The following TAF6L variants were observed in gnomAD, a reference collection of about 807,000 sequenced individuals.
TAF6L encodes the protein TAF6-like RNA polymerase II p300/CBP-associated factor-associated factor 65 kDa subunit 6L.
Under a neutral mutation model 57.3 loss-of-function variants are expected in TAF6L, and 34 were observed. That is an observed-to-expected ratio of 0.59 (90% CI 0.45 to 0.79). The LOEUF (loss-of-function observed/expected upper bound fraction) is 0.79, where lower values mean the gene tolerates loss of function less well. Among genes scored for constraint, TAF6L ranks in the 30% least tolerant of loss-of-function variants. TAF6L has a pLI of 0.00. For missense variants in TAF6L, 782 were observed against 853.2 expected, an observed-to-expected ratio of 0.92 and a Z score of 1.04; for synonymous variants, 417 against 376.3, an observed-to-expected ratio of 1.11 and a Z score of -1.25.
intron 9 of TAF6L, among the ~76,000 whole-genome samples, chr11:62,783,705 G>A (rs1012009300): frequency 4.0e-5 from 6 of 151,448 alleles, no homozygotes; most frequent in Non-Finnish European, 7.4e-5. Context: ...CACCTAACTT[G>A]TATTTTTAGT....
At position 62,776,479 on chromosome 11, in the gene TAF6L, G is replaced by A. The variant is rs2084189182; in HGVS notation, c.234+9G>A. On this transcript the variant is annotated intron_variant, in intron 3 of 10. Coordinates refer to ENST00000294168, the MANE Select transcript of TAF6L (RefSeq NM_006473.4). ...GATGGAGCAGCGTGGAGGTGAGTGG[G>A]GTGCAGGCTACAGAGGGCTCAGGTG... 4 of 1,613,120 alleles carry A rather than the reference G, an allele frequency of 2.5e-6. No homozygotes were observed. In the East Asian group the frequency reaches 6.7e-5, roughly 27 times the overall value.
chr11:62,776,868 G>C, intron 3 of TAF6L, among the ~76,000 whole-genome samples: 1 of 149,332 alleles, frequency 6.7e-6, no homozygotes, highest in East Asian at 2.0e-4. Context: ...AAAAAAAAAG[G>C]CCGGGCACAG....
rs1160663048 is a variant in TAF6L, at chr11:62,775,830, C to T, written c.47C>T (p.Ser16Phe). The stretch of plus-strand genomic sequence containing the variant: ...CGGTTTGTGGAGATCCCTCGGGAGT[C>T]TGTCCGGCTCATGGCGGAGAGCACG... ...ERRFVEIPRE[S>F]VRLMAESTGL... is the part of the protein sequence containing the mutation. Residue 16 changes from serine (S) to phenylalanine (F), a missense_variant, in exon 2 of 11, where the codon TCT becomes TTT. By Grantham distance (155) the Ser-to-Phe change is radical. Transcript: ENST00000294168. 3 of 1,613,078 alleles carry T rather than the reference C, an allele frequency of 1.9e-6. No individual in the cohort carries two copies. Among genetic ancestry groups the T allele is most frequent in the Non-Finnish European group, 1.7e-6 (2 of 1,179,984 alleles).
At chr11:62,779,976 A>ATATATATATTTTTTTTTTTTT (rs1294367864) in intron 6 of TAF6L, among the ~76,000 whole-genome samples, 1 of 52,632 alleles carries the variant, frequency 1.9e-5, no homozygotes, top group African/African-American at 7.7e-5. Flanking sequence ...ATATATATAT[A>ATATATATATTTTTTTTTTTTT]TTTTTTTTTT....
chr11:62,774,577 T>A (rs948724486), intron 1 of TAF6L: 8 of 454,540 alleles, frequency 1.8e-5, no homozygotes, highest in African/African-American at 1.6e-4. Context: ...TGCATCACTT[T>A]GGCGCACGGG....
At chr11:62,781,797 A>G in intron 6 of TAF6L, 97 bp from the exon 7 acceptor site, 1 of 1,043,126 alleles carries the variant, frequency 9.6e-7, no homozygotes, top group Non-Finnish European at 1.5e-6. Flanking sequence ...AAATTGTAAA[A>G]CATGAATAAG....
At chr11:62,783,803 G>T (rs1186482940) in intron 9 of TAF6L, among the ~76,000 whole-genome samples, 1 of 151,700 alleles carries the variant, frequency 6.6e-6, no homozygotes, top group Non-Finnish European at 1.5e-5. Context: ...ATAGTGCTGG[G>T]ATTATAGGCA....
At chr11:62,781,068 T>C (rs1213907990) in intron 6 of TAF6L, among the ~76,000 whole-genome samples, 1 of 151,454 alleles carries the variant, frequency 6.6e-6, no homozygotes, top group Admixed American at 6.6e-5. Flanking sequence ...AAACCCTGTC[T>C]CTACTAAAAA....
intron 6 of TAF6L, 125 bp from the exon 7 acceptor site, chr11:62,781,769 C>A: frequency 1.2e-6 from 1 of 831,420 alleles, no homozygotes; most frequent in Non-Finnish European, 2.0e-6. Context: ...ATTGCTAGAT[C>A]AAAGAATATG....
Position 62,777,916 on chromosome 11 carries a change from T to C in TAF6L, c.235-62T>C. The C allele has an allele frequency of 2.5e-6, 4 of 1,583,754 alleles. No individual in the cohort carries two copies. The South Asian group carries it at 3.5e-5, about 14-fold the overall frequency. ...TGCTCTGGTCAGTGGAGCCTCATCC[T>C]GGATCCTGACGCCTGCTCCCTCCCT... On this transcript the variant is annotated intron_variant, in intron 3 of 10. Coordinates refer to ENST00000294168, the MANE Select transcript of TAF6L (RefSeq NM_006473.4).
At chr11:62,777,767 C>G (rs2084197693) in intron 3 of TAF6L, among the ~76,000 whole-genome samples, 1 of 152,160 alleles carries the variant, frequency 6.6e-6, no homozygotes, top group South Asian at 2.1e-4. Flanking sequence ...GAGGAGCGAC[C>G]ATGTTCTTTC....
intron 9 of TAF6L, among the ~76,000 whole-genome samples, chr11:62,783,365 C>T (rs1034639652): frequency 6.6e-6 from 1 of 151,904 alleles, no homozygotes; most frequent in Admixed American, 6.6e-5. Context: ...GCCTGTAGTC[C>T]CAGCTACTCG....
intron 9 of TAF6L, among the ~76,000 whole-genome samples, chr11:62,785,382 G>A (rs1023026602): frequency 1.3e-5 from 2 of 150,638 alleles, no homozygotes; most frequent in Non-Finnish European, 3.0e-5. Flanking sequence ...TAGTAGAGAC[G>A]GGGTTTCACT....
intron 6 of TAF6L, among the ~76,000 whole-genome samples, chr11:62,780,083 C>T (rs1306507974): frequency 6.7e-6 from 1 of 148,342 alleles, no homozygotes; most frequent in African/African-American, 2.5e-5. Flanking sequence ...CTTTGGGAGG[C>T]AGAGGTGGGC....
chr11:62,775,968 T>A (rs780488705), intron 2 of TAF6L, 38 bp downstream of exon 2: 4 of 1,569,816 alleles, frequency 2.5e-6, no homozygotes, highest in Non-Finnish European at 3.5e-6. Flanking sequence ...CCAACTTTCC[T>A]TGTTTCTGCC....
rs535425195 is a variant in TAF6L at position 62,781,847 on chromosome 11, T to C, written c.532-47T>C. 5.9e-6 allele frequency: 9 copies of C among 1,533,368 alleles called. No individual in the cohort carries two copies. In the South Asian group the frequency reaches 1.0e-4, roughly 17 times the overall value. The allele number at this position is 1,533,368 out of a possible 1,614,324, so 95.0% of individuals were successfully genotyped here. ...TCCAGAAGAATACCGCATTCATGTTTTACAATTTTCTGGTGGATCCAATGC... is the reference window on the plus strand; with the variant it reads ...TCCAGAAGAATACCGCATTCATGTTCTACAATTTTCTGGTGGATCCAATGC... On this transcript the variant is annotated intron_variant, in intron 6 of 10. Coordinates refer to ENST00000294168, the MANE Select transcript of TAF6L (RefSeq NM_006473.4).
chr11:62,782,902 T>C, intron 9 of TAF6L, 77 bp downstream of exon 9: 3 of 1,574,022 alleles, frequency 1.9e-6, no homozygotes, highest in South Asian at 1.2e-5. Flanking sequence ...TGCATCGTTA[T>C]CTCCAAAATA....
In TAF6L at chr11:62,782,824, A is replaced by G; in HGVS notation, c.959A>G (p.Lys320Arg). The change falls in exon 9 of 11, where the codon AAG (lysine) becomes AGG (arginine). Residue 320 changes from lysine to arginine, a missense_variant and splice_region_variant. Around this residue, in one of 3 missense-constraint regions of TAF6L, gnomAD observed 483 missense variants for 445.1 expected, o/e 1.09. Transcript: ENST00000294168. ...AVVGLHALGWKAVERVLYPHL... is the reference protein window; with the variant it reads ...AVVGLHALGWRAVERVLYPHL... ...GTGGGGCTGCATGCTCTTGGCTGGA[A>G]GGTGAGCACCCTGGCCTTTCTCACA... The G allele has an allele frequency of 6.2e-7, 1 of 1,614,028 alleles. No homozygotes were observed. The highest frequency in any genetic ancestry group is 8.5e-7 in the Non-Finnish European group (1 of 1,179,956).
intron 9 of TAF6L, 63 bp from the exon 10 acceptor site, chr11:62,786,197 A>AG (rs2084273233): frequency 1.2e-5 from 19 of 1,557,362 alleles, no homozygotes; most frequent in Non-Finnish European, 1.7e-5. Flanking sequence ...TTCATGGGAA[A>AG]GGGTCCTTGA....
Sources: gnomAD v4.1 joint callset for allele counts (sites outside exome capture counted in the v4.1 genomes callset) on GRCh38, gnomAD v4.1.1 for gene constraint, gnomAD v4.1.1 regional missense constraint, MANE v1.5 for transcripts, NCBI Gene and HGNC (gene_info 2026-07-23, HGNC 2026-07-21) for gene names.